GDAP1: variants seen among roughly 807,000 people sequenced by gnomAD.
The protein encoded by GDAP1 is ganglioside-induced differentiation-associated protein 1.
A neutral mutation model predicts 40.1 loss-of-function variants in GDAP1; 34 were observed. The ratio of observed to expected loss-of-function variants is 0.85; its 90% confidence interval spans 0.64 to 1.13. The LOEUF (loss-of-function observed/expected upper bound fraction) is 1.13, where lower values mean the gene tolerates loss of function less well. Ranked by LOEUF, GDAP1 falls within the 50% of genes most tolerant of loss-of-function variation. The pLI, the probability that GDAP1 is intolerant of heterozygous loss-of-function variation, is 0.00. For missense variants in GDAP1, 374 were observed against 433.7 expected, an observed-to-expected ratio of 0.86 and a Z score of 1.22; for synonymous variants, 170 against 157.4, an observed-to-expected ratio of 1.08 and a Z score of -0.60.
intron 2 of GDAP1, among the ~76,000 whole-genome samples, chr8:74,470,974 G>T (rs1054504742): frequency 4.6e-5 from 7 of 152,200 alleles, no homozygotes; most frequent in South Asian, 2.1e-4. Context: ...CTCATTGTGG[G>T]TTTGATTTGC....
chr8:74,376,888 A>C (rs1490586744), intron 2 of GDAP1: 1 of 152,230 alleles, frequency 6.6e-6, no homozygotes, highest in Non-Finnish European at 1.5e-5. Context: ...TAGAGAATCC[A>C]GAATAGACCT....
In GDAP1 at chr8:74,416,916, TTTTTTGTTTTTTG is replaced by T. The variant is rs968777573; in HGVS notation, c.165+65601_165+65613del. Among the ~76,000 whole-genome samples, 8 of 105,564 alleles carry T rather than the reference TTTTTTGTTTTTTG, an allele frequency of 7.6e-5. 2 individuals carry two copies. Among genetic ancestry groups the T allele is most frequent in the African/African-American group, 3.4e-4 (8 of 23,336 alleles). 69.3% of individuals were successfully genotyped at this position (105,564 alleles called of 152,430 possible). On this transcript the variant is annotated intron_variant, in intron 2 of 2. Coordinates refer to the GDAP1 transcript ENST00000523640. ...ACTTATGAAAAGTTTTTTTTTTTGT[TTTTTTGTTTTTTG>T]TTTTTTTTTTTTTTAACAGAGGCAT...
At chr8:74,361,649 C>T (rs1469548573) in intron 3 of GDAP1, among the ~76,000 whole-genome samples, 1 of 152,170 alleles carries the variant, frequency 6.6e-6, no homozygotes, top group African/African-American at 2.4e-5. Flanking sequence ...CCCGCCTCGG[C>T]CTCCCAAAGT....
Position 74,365,818 on chromosome 8 carries a change from A to G in GDAP1, c.*1451A>G, listed in dbSNP as rs1030026886. On this transcript the variant is annotated 3_prime_UTR_variant, in exon 6 of 6. Coordinates refer to ENST00000220822, the MANE Select transcript of GDAP1 (RefSeq NM_018972.4). ...AAAATTAATAAAACCTCCAGAGTAA[A>G]CTCAGTCAAACAATAATTGAGTAGC... 2 of 454,206 alleles carry G rather than the reference A, an allele frequency of 4.4e-6. No individual in the cohort carries two copies. Among genetic ancestry groups the G allele is most frequent in the Non-Finnish European group, 8.8e-6 (2 of 226,766 alleles). 28.1% of individuals were successfully genotyped at this position (454,206 alleles called of 1,614,324 possible). A position where few individuals can be genotyped will look rare whatever the true frequency, so the allele number is the denominator to read the frequency against.
chr8:74,466,328 G>A (rs1294896853), intron 2 of GDAP1, among the ~76,000 whole-genome samples: 1 of 152,160 alleles, frequency 6.6e-6, no homozygotes, highest in African/African-American at 2.4e-5. Context: ...GCTTTGGAGG[G>A]TTTTAGGGAA....
At position 74,362,918 on chromosome 8, in the gene GDAP1, CT is replaced by C. The variant is rs1563444154; in HGVS notation, c.580-14del. On this transcript the variant is annotated intron_variant, in intron 4 of 5. Transcript: ENST00000220822. ...AAGGTGCAAATAATATGTTTGGTTT[CT>C]TTTTTTGGTGGTTAATTAGTCAAAG... 6 of 1,040,352 alleles carry C rather than the reference CT, an allele frequency of 5.8e-6. No homozygotes were observed. Among genetic ancestry groups the C allele is most frequent in the South Asian group, 1.3e-5 (1 of 79,684 alleles). The allele number at this position is 1,040,352 out of a possible 1,614,324, so 64.4% of individuals were successfully genotyped here.
intron 2 of GDAP1, among the ~76,000 whole-genome samples, chr8:74,488,332 C>T (rs1586850903): frequency 6.6e-6 from 1 of 152,076 alleles, no homozygotes; most frequent in East Asian, 1.9e-4. Flanking sequence ...TGGATTTTGT[C>T]AAGCTCTTGA....
At chr8:74,467,589 T>C (rs1343983092) in intron 2 of GDAP1, among the ~76,000 whole-genome samples, 1 of 152,154 alleles carries the variant, frequency 6.6e-6, no homozygotes, top group African/African-American at 2.4e-5. Context: ...CAAGGATGGT[T>C]ACAATAAAGC....
chr8:74,407,768 A>G (rs10957717), intron 2 of GDAP1, among the ~76,000 whole-genome samples: 56,044 of 149,684 alleles, frequency 0.37, 11,729 homozygotes, highest in Middle Eastern at 0.47. Context: ...AGGGAGCAGT[A>G]TTAGTTTTGA....
chr8:74,471,433 A>G (rs1806553530), intron 2 of GDAP1, among the ~76,000 whole-genome samples: 1 of 131,278 alleles, frequency 7.6e-6, no homozygotes, highest in African/African-American at 3.0e-5. Context: ...TTTCTAAATC[A>G]GAGTAAATTT....
downstream of GDAP1, chr8:74,367,029 C>G (rs1809667691): frequency 3.8e-6 from 1 of 264,942 alleles, no homozygotes; most frequent in Non-Finnish European, 7.4e-6. Context: ...AACAAAATTG[C>G]TGACTCTTGC....
chr8:74,367,534 A>G (rs1308272778), downstream of GDAP1, among the ~76,000 whole-genome samples: 1 of 152,136 alleles, frequency 6.6e-6, no homozygotes, highest in Non-Finnish European at 1.5e-5. Context: ...AAAAAAAAAC[A>G]GTATGGTAAA....
At chr8:74,478,155 G>A (rs1351029749) in intron 2 of GDAP1, among the ~76,000 whole-genome samples, 1 of 152,096 alleles carries the variant, frequency 6.6e-6, no homozygotes, top group Non-Finnish European at 1.5e-5. Context: ...GGGGCTGGTA[G>A]GTTCCCTGCC....
intron 2 of GDAP1, among the ~76,000 whole-genome samples, chr8:74,436,547 C>T (rs940812425): frequency 2.6e-5 from 4 of 151,696 alleles, no homozygotes; most frequent in African/African-American, 7.3e-5. Context: ...CTCAGCCTCC[C>T]GAGTAGCTGG....
intron 2 of GDAP1, among the ~76,000 whole-genome samples, chr8:74,476,614 A>G (rs1252370375): frequency 2.0e-5 from 3 of 152,142 alleles, no homozygotes; most frequent in African/African-American, 4.8e-5. Flanking sequence ...TAGGCCCCCA[A>G]TCTTTTCTGG....
intron 2 of GDAP1, among the ~76,000 whole-genome samples, chr8:74,480,376 T>C (rs531486467): frequency 2.0e-5 from 3 of 151,974 alleles, no homozygotes; most frequent in East Asian, 1.9e-4. Flanking sequence ...ACTCTAGGAG[T>C]TGGGTTGTGG....
In GDAP1 at chr8:74,422,454, C is replaced by T. The variant is rs190873386; in HGVS notation, c.166-66224C>T. Among the ~76,000 whole-genome samples, 490 of 117,958 alleles carry T rather than the reference C, an allele frequency of 4.2e-3. 6 individuals carry two copies. The highest frequency in any genetic ancestry group is 0.015 in the African/African-American group (456 of 29,826). The allele number at this position is 117,958 out of a possible 152,430, so 77.4% of individuals were successfully genotyped here. ...TTCTTTCCCTCTCTCCCTTCCTTCC[C>T]TCCTCTCTTTCCTTCCTTCCTCCCT... On this transcript the variant is annotated intron_variant, in intron 2 of 2. Transcript: ENST00000523640.
chr8:74,433,684 TAG>T lies in GDAP1; in HGVS notation c.166-54987_166-54986del, dbSNP rs765591899. ...GTTTTTTCAAAGAATTAAACTTGCC[TAG>T]AGAGAGTTCTGGCATTTCCTTTGGC... On this transcript the variant is annotated intron_variant, in intron 2 of 2. Transcript: ENST00000523640. Among the ~76,000 whole-genome samples the T allele has an allele frequency of 1.1e-4, 16 of 152,318 alleles. No individual in the cohort carries two copies. In the East Asian group the frequency reaches 1.9e-3, roughly 18 times the overall value.
intron 2 of GDAP1, among the ~76,000 whole-genome samples, chr8:74,413,639 C>G (rs527328974): frequency 6.7e-6 from 1 of 149,526 alleles, no homozygotes; most frequent in African/African-American, 2.6e-5. Flanking sequence ...CCTGTAGGAG[C>G]CTAAATCTCT....
Sources: allele counts gnomAD v4.1 joint callset (sites outside exome capture counted in the v4.1 genomes callset), GRCh38; gene constraint gnomAD v4.1.1; transcripts MANE v1.5; gene names NCBI Gene and HGNC (gene_info 2026-07-23, HGNC 2026-07-21).